Variants in ZNF500 observed in about 807,000 individuals in gnomAD.
The protein encoded by ZNF500 is zinc finger protein with KRAB and SCAN domains 18.
Under a neutral mutation model 30.1 loss-of-function variants are expected in ZNF500, and 31 were observed. The observed-to-expected ratio is 1.03, with a 90% CI of 0.77 to 1.39. The LOEUF is 1.39. Among genes scored for constraint, ZNF500 ranks in the 40% most tolerant of loss-of-function variants. The probability of loss-of-function intolerance (pLI) is 0.00; values close to 1 mark genes in which losing one functional copy is unlikely to be tolerated. For synonymous variants in ZNF500, 392 were observed against 282.0 expected (o/e 1.39, Z -3.91); for missense variants, 817 against 657.8 (o/e 1.24, Z -2.65).
intron 5 of ZNF500, among the ~76,000 whole-genome samples, chr16:4,760,108 G>T (rs949004766): frequency 1.4e-4 from 22 of 152,154 alleles, no homozygotes. Context: ...AGAGACAAAC[G>T]GACAGAGAAA....
At position 4,767,041 on chromosome 16, in the gene ZNF500, G is replaced by T. The variant is rs949760564; in HGVS notation, c.-123C>A. The T allele has an allele frequency of 2.6e-5, 4 of 152,346 alleles. No individual in the cohort carries two copies. Among genetic ancestry groups the T allele is most frequent in the African/African-American group, 7.2e-5 (3 of 41,478 alleles). 9.4% of individuals were successfully genotyped at this position (152,346 alleles called of 1,614,324 possible). On this transcript the variant is annotated 5_prime_UTR_variant, in exon 1 of 6. The change creates a new upstream start codon in the 5' untranslated region. Coordinates refer to ENST00000219478, the MANE Select transcript of ZNF500 (RefSeq NM_021646.4). Reference sequence around the variant, plus strand: ...CTGGAAGCGCTGCCGGCCGTGGGCAGTTCGGGGCAGGACCGGAGCGGCGGG... The same window carrying T: ...CTGGAAGCGCTGCCGGCCGTGGGCATTTCGGGGCAGGACCGGAGCGGCGGG...
chr16:4,752,077 C>G lies in ZNF500; in HGVS notation c.*299G>C. 7.7e-7 allele frequency: 1 copy of G among 1,306,356 alleles called. No homozygotes were observed. Among genetic ancestry groups the G allele is most frequent in the Non-Finnish European group, 9.7e-7 (1 of 1,030,336 alleles). 80.9% of individuals were successfully genotyped at this position (1,306,356 alleles called of 1,614,324 possible). On this transcript the variant is annotated 3_prime_UTR_variant, in exon 6 of 6. Coordinates refer to ENST00000219478, the MANE Select transcript of ZNF500 (RefSeq NM_021646.4). ...CCAGGCCCTTCAGGAGCCAGCCCCACGAACACCTTGAGTGTCGGCTTCTGG... is the reference window on the plus strand; with the variant it reads ...CCAGGCCCTTCAGGAGCCAGCCCCAGGAACACCTTGAGTGTCGGCTTCTGG...
At chr16:4,763,241 TAC>T in intron 2 of ZNF500, 1 of 520,748 alleles carries the variant, frequency 1.9e-6, no homozygotes, top group Non-Finnish European at 2.5e-6. Flanking sequence ...CTACTAAAAA[TAC>T]AAAAATTAGC....
chr16:4,755,415 C>G (rs2082126060), intron 5 of ZNF500, among the ~76,000 whole-genome samples: 1 of 152,162 alleles, frequency 6.6e-6, no homozygotes, highest in Non-Finnish European at 1.5e-5. Context: ...CTCCCAGGTT[C>G]AAGCGATTCT....
Position 4,752,662 on chromosome 16 carries a change from C to T in ZNF500, c.1157G>A (p.Cys386Tyr). 1.2e-6 allele frequency: 2 copies of T among 1,613,552 alleles called. No homozygotes were observed. The highest frequency in any genetic ancestry group is 1.1e-5 in the South Asian group (1 of 91,036). ...TGEKPYPCPE[C>Y]GKRFSQSSSL... ...GGAGCTCTGGCTGAAGCGCTTCCCA[C>T]ACTCGGGGCACGGGTAGGGCTTCTC... Residue 386 changes from cysteine to tyrosine, a missense_variant, in exon 6 of 6, where the codon TGT (cysteine) becomes TAT (tyrosine). Physicochemically the swap from Cys to Tyr is radical, Grantham distance 194. Transcript: ENST00000219478.
downstream of ZNF500, among the ~76,000 whole-genome samples, chr16:4,745,705 C>A (rs1454893754): frequency 6.6e-6 from 1 of 152,196 alleles, no homozygotes; most frequent in Non-Finnish European, 1.5e-5. Context: ...AATCCCGGCA[C>A]TTTGGAAGGC....
At chr16:4,764,769 G>A (rs543404465) in intron 2 of ZNF500, among the ~76,000 whole-genome samples, 22 of 146,380 alleles carry the variant, frequency 1.5e-4, no homozygotes, top group East Asian at 2.0e-4. Flanking sequence ...GCGACAGGGC[G>A]AGACTCCATC....
In ZNF500 at chr16:4,760,870, C is replaced by G. The variant is rs896803448; in HGVS notation, c.664-282G>C. 2.6e-5 allele frequency among the ~76,000 whole-genome samples: 4 copies of G among 152,170 alleles called. No individual in the cohort carries two copies. The East Asian group carries it at 7.7e-4, about 29-fold the overall frequency. On this transcript the variant is annotated intron_variant, in intron 4 of 5. Transcript: ENST00000219478. ...GCACACTCAGCCACCGAGGCCCATG[C>G]TCCACAGGGAGACAAGAGCATCCCC...
chr16:4,744,279 G>A (rs1445101420), downstream of ZNF500, among the ~76,000 whole-genome samples: 2 of 152,104 alleles, frequency 1.3e-5, no homozygotes, highest in Admixed American at 1.3e-4. Flanking sequence ...TCAAGCTATT[G>A]CAATTAGAAA....
rs1328625584 is a variant in ZNF500, at chr16:4,749,214, G to A, written c.*3162C>T. 1.3e-5 allele frequency: 2 copies of A among 154,474 alleles called. No individual in the cohort carries two copies. The highest frequency in any genetic ancestry group is 2.9e-5 in the Non-Finnish European group (2 of 68,270). The allele number at this position is 154,474 out of a possible 1,614,324, so 9.6% of individuals were successfully genotyped here. On this transcript the variant is annotated 3_prime_UTR_variant, in exon 6 of 6. Coordinates refer to ENST00000219478, the MANE Select transcript of ZNF500 (RefSeq NM_021646.4). ...CCGGGGCCTGTGCCGCCAGAACCGG[G>A]CTCTGCCCCCATACGCTGCCCTCGC...
intron 4 of ZNF500, among the ~76,000 whole-genome samples, chr16:4,761,625 C>CACTTGAG (rs2141845512): frequency 6.6e-6 from 1 of 151,504 alleles, no homozygotes; most frequent in South Asian, 2.1e-4. Context: ...GCAAGAGGAT[C>CACTTGAG]ACTTGAGCCC....
At chr16:4,744,835 C>T, downstream of ZNF500, 1 of 1,595,410 alleles carries the variant, frequency 6.3e-7, no homozygotes. Context: ...TGGGCCAAGT[C>T]CCCACTAATC....
chr16:4,765,698 A>G lies in ZNF500; in HGVS notation c.281T>C (p.Val94Ala). 6.2e-7 allele frequency: 1 copy of G among 1,613,132 alleles called. No individual in the cohort carries two copies. The highest frequency in any genetic ancestry group is 8.5e-7 in the Non-Finnish European group (1 of 1,179,900). The change falls in exon 2 of 6, where the codon GTG becomes GCG. Residue 94 changes from valine to alanine, a missense_variant. Val to Ala is a moderately conservative substitution (Grantham distance 64). Transcript: ENST00000219478. ...RTKEQILELL[V>A]LEQFLTVLPG... ...CAGCACAGTCAGGAACTGCTCCAGC[A>G]CCAGCAGCTCCAGGATCTGCTCCTT...
intron 4 of ZNF500, among the ~76,000 whole-genome samples, chr16:4,761,787 G>A (rs1044696117): frequency 1.3e-5 from 2 of 151,908 alleles, no homozygotes; most frequent in African/African-American, 4.8e-5. Context: ...AGCCTGGGAG[G>A]TCAAGGCTGC....
intron 2 of ZNF500, chr16:4,762,963 C>T (rs1233290120): frequency 3.0e-6 from 3 of 985,330 alleles, no homozygotes; most frequent in Non-Finnish European, 1.2e-6. Context: ...TCCCTGTCAC[C>T]ACAATCGTTT....
In ZNF500 at chr16:4,752,766, C is replaced by A. The variant is rs369738765; in HGVS notation, c.1053G>T (p.Arg351=). Residue 351 remains arginine (R), a synonymous_variant, in exon 6 of 6, where the codon CGG becomes CGT. Coordinates refer to ENST00000219478, the MANE Select transcript of ZNF500 (RefSeq NM_021646.4). ...TKHQRTHTGE[R]PYKCLVCGKG... ...TCCCACAGACTAGGCACTTGTAAGG[C>A]CGCTCGCCCGTGTGTGTGCGCTGGT... The A allele has an allele frequency of 9.3e-6, 15 of 1,614,046 alleles. No individual in the cohort carries two copies. The East Asian group carries it at 2.9e-4, about 31-fold the overall frequency.
At chr16:4,765,510 A>G in intron 2 of ZNF500, 55 bp downstream of exon 2, 1 of 1,526,682 alleles carries the variant, frequency 6.6e-7, no homozygotes. Context: ...GCAGCTGCAG[A>G]CCCCAGCAGC....
rs1372609323 is a variant in ZNF500 at position 4,750,221 on chromosome 16, A to G, written c.*2155T>C. On this transcript the variant is annotated 3_prime_UTR_variant, in exon 6 of 6. Transcript: ENST00000219478. ...AGCTGGGTACCTCATGCCCCATGAG[A>G]GATCCCAGAGCTAGTCTAGAAGGTA... 6.6e-6 allele frequency: 1 copy of G among 152,372 alleles called. No homozygotes were observed. The highest frequency in any genetic ancestry group is 1.5e-5 in the Non-Finnish European group (1 of 68,172). 9.4% of individuals were successfully genotyped at this position (152,372 alleles called of 1,614,324 possible).
rs1355370465 is a variant in ZNF500 at position 4,763,679 on chromosome 16, T to C, written c.415-923A>G. 5.1e-6 allele frequency: 5 copies of C among 985,234 alleles called. No individual in the cohort carries two copies. In the Admixed American group the frequency reaches 3.1e-4, roughly 61 times the overall value. The allele number at this position is 985,234 out of a possible 1,614,324, so 61.0% of individuals were successfully genotyped here. A position where few individuals can be genotyped will look rare whatever the true frequency, so the allele number is the denominator to read the frequency against. On this transcript the variant is annotated intron_variant, in intron 2 of 5. Transcript: ENST00000219478. ...TCAGCTCAGTGATGGCCATGAGGCATGTGTGCAGAGGTGTCGGTGCAGTGA... is the reference window on the plus strand; with the variant it reads ...TCAGCTCAGTGATGGCCATGAGGCACGTGTGCAGAGGTGTCGGTGCAGTGA...
Sources: allele counts gnomAD v4.1 joint callset (sites outside exome capture counted in the v4.1 genomes callset), GRCh38; gene constraint gnomAD v4.1.1; transcripts MANE v1.5; gene names NCBI Gene and HGNC (gene_info 2026-07-23, HGNC 2026-07-21).